Variants in IQCH observed in about 807,000 individuals in gnomAD.
IQCH encodes the protein IQ domain-containing protein H.
Under a neutral mutation model 117.0 loss-of-function variants are expected in IQCH, and 98 were observed. The observed-to-expected ratio is 0.84, with a 90% CI of 0.71 to 0.99. The LOEUF is 0.99. Ranked by LOEUF, IQCH falls within the 50% of genes least tolerant of loss-of-function variation. The pLI, the probability that IQCH is intolerant of heterozygous loss-of-function variation, is 0.00. For missense variants in IQCH, 1,102 were observed against 1,243.8 expected, an observed-to-expected ratio of 0.89 and a Z score of 1.72; for synonymous variants, 412 against 448.2, an observed-to-expected ratio of 0.92 and a Z score of 1.02.
At chr15:67,367,312 G>C (rs1970367687) in intron 8 of IQCH, among the ~76,000 whole-genome samples, 1 of 152,154 alleles carries the variant, frequency 6.6e-6, no homozygotes, top group Non-Finnish European at 1.5e-5. Context: ...GGGGTGGGTG[G>C]ATCGCTTGAG....
At chr15:67,286,455 C>T (rs1307468215) in intron 4 of IQCH, among the ~76,000 whole-genome samples, 1 of 152,142 alleles carries the variant, frequency 6.6e-6, no homozygotes, top group Non-Finnish European at 1.5e-5. Flanking sequence ...CTAGCCAGGA[C>T]TTCCCATTCT....
chr15:67,336,916 A>C, intron 4 of IQCH, 59 bp from the exon 5 acceptor site: 1 of 1,553,646 alleles, frequency 6.4e-7, no homozygotes. Flanking sequence ...GTTTACAAGA[A>C]GAAAACTGTT....
intron 16 of IQCH, among the ~76,000 whole-genome samples, chr15:67,438,381 C>T (rs928394838): frequency 5.3e-5 from 8 of 152,194 alleles, no homozygotes; most frequent in Non-Finnish European, 7.3e-5. Context: ...GCCACCACTA[C>T]AAGAACTGCT....
rs775675138 is a variant in IQCH at position 67,434,785 on chromosome 15, C to CTTTT, written c.2505+13221_2505+13224dup. Among the ~76,000 whole-genome samples, 11 of 126,870 alleles carry CTTTT rather than the reference C, an allele frequency of 8.7e-5. 1 individual carries two copies. Among genetic ancestry groups the CTTTT allele is most frequent in the African/African-American group, 2.7e-4 (9 of 33,640 alleles). The allele number at this position is 126,870 out of a possible 152,430, so 83.2% of individuals were successfully genotyped here. On this transcript the variant is annotated intron_variant, in intron 16 of 20. Coordinates refer to ENST00000335894, the MANE Select transcript of IQCH (RefSeq NM_001031715.3). Reference sequence around the variant, plus strand: ...TATCTTTTGTCTTTTCTTTTCTTTTCTTTTTTTTTTTTTTTTGAGACGGAG... The same window carrying CTTTT: ...TATCTTTTGTCTTTTCTTTTCTTTTCTTTTTTTTTTTTTTTTTTTTGAGACGGAG...
Position 67,427,849 on chromosome 15 carries a change from A to C in IQCH, c.2505+6272A>C, listed in dbSNP as rs1343749139. ...AATAGATTTTTTTTTTTTTTTTTGA[A>C]GCAGAATCTCCCTGTGTTGCCCAGG... On this transcript the variant is annotated intron_variant, in intron 16 of 20. Coordinates refer to ENST00000335894, the MANE Select transcript of IQCH (RefSeq NM_001031715.3). This position sits in a 1 kb window ranked among gnomAD's most constrained non-coding sequence, Gnocchi z 4.7. Among the ~76,000 whole-genome samples the C allele has an allele frequency of 4.7e-5, 7 of 148,594 alleles. No homozygotes were observed. Among genetic ancestry groups the C allele is most frequent in the Admixed American group, 3.3e-4 (5 of 15,076 alleles).
chr15:67,494,499 G>A lies in IQCH; in HGVS notation c.2970+133G>A, dbSNP rs2083752211. 1.9e-6 allele frequency: 1 copy of A among 519,452 alleles called. No individual in the cohort carries two copies. The highest frequency in any genetic ancestry group is 3.3e-6 in the Non-Finnish European group (1 of 300,124). The allele number at this position is 519,452 out of a possible 1,614,324, so 32.2% of individuals were successfully genotyped here. Reference sequence around the variant, plus strand: ...CAGTACATATTTTACAGTGTGCAGGGTCAATACTGTAAGGTTCCCACTGAG... The same window carrying A: ...CAGTACATATTTTACAGTGTGCAGGATCAATACTGTAAGGTTCCCACTGAG... On this transcript the variant is annotated intron_variant, in intron 20 of 20. Transcript: ENST00000335894. This position sits in a 1 kb window ranked among gnomAD's most constrained non-coding sequence, Gnocchi z 5.5.
At chr15:67,279,995 G>A (rs971150573) in intron 4 of IQCH, among the ~76,000 whole-genome samples, 5 of 151,616 alleles carry the variant, frequency 3.3e-5, no homozygotes, top group African/African-American at 9.7e-5. Flanking sequence ...CAGCCAGGGC[G>A]ACAGAGCGAG....
intron 6 of IQCH, among the ~76,000 whole-genome samples, chr15:67,353,360 T>A (rs1208322587): frequency 4.3e-5 from 3 of 69,502 alleles, no homozygotes; most frequent in African/African-American, 1.2e-4. Context: ...TTATATTTAT[T>A]TATTTTTTTT....
intron 4 of IQCH, among the ~76,000 whole-genome samples, chr15:67,323,784 T>A (rs1480739460): frequency 6.6e-5 from 10 of 152,116 alleles, no homozygotes; most frequent in Admixed American, 6.5e-4. Flanking sequence ...TATTATAAAA[T>A]GCACACTGTA....
At chr15:67,326,424 C>T (rs1968410769) in intron 4 of IQCH, among the ~76,000 whole-genome samples, 2 of 152,206 alleles carry the variant, frequency 1.3e-5, no homozygotes, top group African/African-American at 4.8e-5. Flanking sequence ...CTGCAATAAA[C>T]ATATGTGTGC....
intron 6 of IQCH, among the ~76,000 whole-genome samples, chr15:67,353,333 T>A (rs1340120802): frequency 6.1e-5 from 9 of 146,624 alleles, no homozygotes; most frequent in Non-Finnish European, 1.3e-4. Flanking sequence ...AAAAATTGGC[T>A]TCTTTATTTT....
chr15:67,489,771 C>T (rs931874109), intron 18 of IQCH, among the ~76,000 whole-genome samples: 1 of 151,480 alleles, frequency 6.6e-6, no homozygotes, highest in South Asian at 2.1e-4. Flanking sequence ...AACAAGCACA[C>T]TAGATGATTC....
chr15:67,385,025 G>A lies in IQCH; in HGVS notation c.1456+6G>A. 14 of 1,561,064 alleles carry A rather than the reference G, an allele frequency of 9.0e-6. No individual in the cohort carries two copies. Among genetic ancestry groups the A allele is most frequent in the Non-Finnish European group, 1.2e-5 (14 of 1,132,554 alleles). On this transcript the variant is annotated splice_donor_region_variant and intron_variant, in intron 11 of 20. Transcript: ENST00000335894. This position sits in a 1 kb window ranked among gnomAD's most constrained non-coding sequence, Gnocchi z 4.6. ...GAGGCTGTGTGACATCTTAGGTACA[G>A]TAAATAGTTTTACACAAATGACTCT...
chr15:67,254,816 A>T lies in IQCH; in HGVS notation c.-81A>T. ...AGGCCAGGTCGCGCGCGGTGTTGCCATGGGGACGAGCGGCTCCGGCTGAAG... is the reference window on the plus strand; with the variant it reads ...AGGCCAGGTCGCGCGCGGTGTTGCCTTGGGGACGAGCGGCTCCGGCTGAAG... On this transcript the variant is annotated 5_prime_UTR_variant, in exon 1 of 21. The change abolishes an upstream ATG in the 5' untranslated region. Coordinates refer to ENST00000335894, the MANE Select transcript of IQCH (RefSeq NM_001031715.3). 2 of 1,483,870 alleles carry T rather than the reference A, an allele frequency of 1.3e-6. No individual in the cohort carries two copies. The highest frequency in any genetic ancestry group is 1.9e-6 in the Non-Finnish European group (2 of 1,079,100). 91.9% of individuals were successfully genotyped at this position (1,483,870 alleles called of 1,614,324 possible).
rs4432221 is a variant in IQCH, at chr15:67,342,524, T to C, written c.509-1539T>C. Among the ~76,000 whole-genome samples, 30,719 of 152,082 alleles carry C rather than the reference T, an allele frequency of 0.2. 3,966 individuals are homozygous for C. Among genetic ancestry groups the C allele is most frequent in the East Asian group, 0.47 (2,438 of 5,180 alleles). On this transcript the variant is annotated intron_variant, in intron 5 of 20. Coordinates refer to ENST00000335894, the MANE Select transcript of IQCH (RefSeq NM_001031715.3). The surrounding 1 kb of genome is among the most constrained non-coding windows in gnomAD (Gnocchi z 4.7). ...CTTCAGAATTCTCAGAAAATGAAAC[T>C]GACTCTTGAAATGAAAAATATATTA...
chr15:67,366,631 C>T lies in IQCH; in HGVS notation c.754-5480C>T, dbSNP rs182919254. ...GTCTCTTCTTTTATATATCTCTGCT[C>T]GATGAGTTCTGTTTTTGCCTTTTAT... On this transcript the variant is annotated intron_variant, in intron 8 of 20. Transcript: ENST00000335894. The surrounding 1 kb of genome is among the most constrained non-coding windows in gnomAD (Gnocchi z 4.4). Among the ~76,000 whole-genome samples the T allele has an allele frequency of 3.9e-5, 6 of 152,242 alleles. No individual in the cohort carries two copies. In the East Asian group the frequency reaches 7.7e-4, roughly 20 times the overall value.
At position 67,436,244 on chromosome 15, in the gene IQCH, C is replaced by T. The variant is rs1369890443; in HGVS notation, c.2505+14667C>T. On this transcript the variant is annotated intron_variant, in intron 16 of 20. Coordinates refer to ENST00000335894, the MANE Select transcript of IQCH (RefSeq NM_001031715.3). This position sits in a 1 kb window ranked among gnomAD's most constrained non-coding sequence, Gnocchi z 5.1. ...GGAGACACCCCAAATACTGTGAGTG[C>T]CCCAACTGCGGAAGTAGGAAAGGGA... Among the ~76,000 whole-genome samples the T allele has an allele frequency of 6.6e-6, 1 of 152,134 alleles. No homozygotes were observed. The highest frequency in any genetic ancestry group is 2.4e-5 in the African/African-American group (1 of 41,416).
intron 9 of IQCH, 41 bp downstream of exon 9, chr15:67,372,703 T>G: frequency 2.0e-6 from 3 of 1,516,296 alleles, no homozygotes; most frequent in Admixed American, 2.1e-5. Flanking sequence ...CCTCTTTTTC[T>G]AAACATTTCG....
Position 67,465,024 on chromosome 15 carries a change from G to T in IQCH, c.2506-103G>T. Reference sequence around the variant, plus strand: ...ACTCCATTAAGACACATGGTCACTGGTTTCACTTAGTCTGATGTAGTTTGG... The same window carrying T: ...ACTCCATTAAGACACATGGTCACTGTTTTCACTTAGTCTGATGTAGTTTGG... On this transcript the variant is annotated intron_variant, in intron 16 of 20. Coordinates refer to ENST00000335894, the MANE Select transcript of IQCH (RefSeq NM_001031715.3). This position sits in a 1 kb window ranked among gnomAD's most constrained non-coding sequence, Gnocchi z 5.9. 1 of 1,032,522 alleles carries T rather than the reference G, an allele frequency of 9.7e-7. No homozygotes were observed. Among genetic ancestry groups the T allele is most frequent in the Non-Finnish European group, 1.4e-6 (1 of 689,792 alleles). The allele number at this position is 1,032,522 out of a possible 1,614,324, so 64.0% of individuals were successfully genotyped here.
Sources: allele counts gnomAD v4.1 joint callset (sites outside exome capture counted in the v4.1 genomes callset), GRCh38; gene constraint gnomAD v4.1.1; non-coding constraint Gnocchi (gnomAD v3.1); transcripts MANE v1.5; gene names NCBI Gene and HGNC (gene_info 2026-07-23, HGNC 2026-07-21).